RERE: variants seen among roughly 807,000 people sequenced by gnomAD.
The protein encoded by RERE is arginine-glutamic acid dipeptide repeats protein.
In RERE, 40 loss-of-function variants were observed where a neutral mutation model predicts 146.1. That is an observed-to-expected ratio of 0.27 (90% CI 0.21 to 0.36). The LOEUF (loss-of-function observed/expected upper bound fraction) is 0.36. RERE is among the 10% of genes least tolerant of loss of function. The pLI, the probability that RERE is intolerant of heterozygous loss-of-function variation, is 1.00. For missense variants in RERE, 1,933 were observed against 2,138.7 expected (o/e 0.90, Z 1.90); for synonymous variants, 1,003 against 866.0 (o/e 1.16, Z -2.78).
At chr1:8,704,386 GA>G (rs1639518599) in intron 1 of RERE, among the ~76,000 whole-genome samples, 1 of 152,140 alleles carries the variant, frequency 6.6e-6, no homozygotes, top group Non-Finnish European at 1.5e-5. Flanking sequence ...ACCCAAATTA[GA>G]AAGGTACAAG....
intron 11 of RERE, among the ~76,000 whole-genome samples, chr1:8,445,286 C>T (rs1300202115): frequency 6.6e-6 from 1 of 152,206 alleles, no homozygotes; most frequent in East Asian, 1.9e-4. Context: ...AGACAGGTTG[C>T]ACCATGGAAG....
intron 4 of RERE, among the ~76,000 whole-genome samples, chr1:8,596,409 T>C (rs1646555664): frequency 6.6e-6 from 1 of 152,250 alleles, no homozygotes; most frequent in East Asian, 1.9e-4. Flanking sequence ...AATCAGTTTC[T>C]CAGACACAAG....
At chr1:8,464,038 A>G (rs1390167426) in intron 11 of RERE, among the ~76,000 whole-genome samples, 1 of 152,256 alleles carries the variant, frequency 6.6e-6, no homozygotes, top group African/African-American at 2.4e-5. Flanking sequence ...ACAGGCTTAC[A>G]GTAAAAAAAC....
intron 12 of RERE, among the ~76,000 whole-genome samples, chr1:8,392,415 T>C (rs1642914316): frequency 1.3e-5 from 2 of 152,262 alleles, no homozygotes; most frequent in African/African-American, 4.8e-5. Context: ...TCTATCTATA[T>C]ATCTCTCTGT....
intron 4 of RERE, among the ~76,000 whole-genome samples, chr1:8,614,208 G>A (rs1646824641): frequency 1.3e-5 from 2 of 152,176 alleles, no homozygotes; most frequent in African/African-American, 2.4e-5. Flanking sequence ...TGAGCCTGGG[G>A]AAACGCACAT....
intron 2 of RERE, among the ~76,000 whole-genome samples, chr1:8,635,489 T>C (rs1647086724): frequency 6.6e-6 from 1 of 152,220 alleles, no homozygotes; most frequent in Non-Finnish European, 1.5e-5. Context: ...GCTTTCTATA[T>C]GAAACCGTAT....
intron 1 of RERE, among the ~76,000 whole-genome samples, chr1:8,718,989 G>C (rs1231296804): frequency 6.6e-6 from 1 of 152,122 alleles, no homozygotes; most frequent in African/African-American, 2.4e-5. Flanking sequence ...AATTAAAGGA[G>C]GGCCTAAATC....
At chr1:8,543,854 C>T (rs185322569) in intron 6 of RERE, among the ~76,000 whole-genome samples, 93 of 152,266 alleles carry the variant, frequency 6.1e-4, no homozygotes, top group Admixed American at 1.6e-3. Flanking sequence ...ATGAAGTTGT[C>T]GTAAATGGGA....
At chr1:8,798,261 G>GTGGCGAGCGCCTGTAA (rs1641514641) in intron 1 of RERE, among the ~76,000 whole-genome samples, 1 of 152,140 alleles carries the variant, frequency 6.6e-6, no homozygotes, top group Non-Finnish European at 1.5e-5. Context: ...GCCAGGCATG[G>GTGGCGAGCGCCTGTAA]TGGCGAGCGC....
intron 8 of RERE, among the ~76,000 whole-genome samples, chr1:8,498,728 T>TACACACAC (rs1216791448): frequency 1.6e-3 from 18 of 11,408 alleles, no homozygotes; most frequent in African/African-American, 4.1e-3. Flanking sequence ...AAAAAATAAA[T>TACACACAC]ATATACACAC....
At chr1:8,415,059 CTT>C (rs1260068736) in intron 12 of RERE, among the ~76,000 whole-genome samples, 1 of 152,080 alleles carries the variant, frequency 6.6e-6, no homozygotes, top group Non-Finnish European at 1.5e-5. Flanking sequence ...CATTTTGAAA[CTT>C]AGTTTTAATG....
chr1:8,438,490 A>T (rs569909506), intron 11 of RERE, among the ~76,000 whole-genome samples: 1 of 152,232 alleles, frequency 6.6e-6, no homozygotes, highest in Admixed American at 6.5e-5. Context: ...AACAGAAGGT[A>T]TAGGGATTTC....
At chr1:8,581,841 C>T (rs1265566986) in intron 4 of RERE, among the ~76,000 whole-genome samples, 3 of 151,998 alleles carry the variant, frequency 2.0e-5, no homozygotes, top group African/African-American at 7.2e-5. Context: ...AGCATCATTT[C>T]CTAATATTAA....
intron 11 of RERE, among the ~76,000 whole-genome samples, chr1:8,426,118 C>T (rs1027414028): frequency 2.0e-5 from 3 of 152,150 alleles, no homozygotes; most frequent in Non-Finnish European, 4.4e-5. Context: ...TTCCTCTTCT[C>T]GGGTCCAATG....
chr1:8,669,904 C>T (rs1638675470), intron 1 of RERE, among the ~76,000 whole-genome samples: 1 of 152,156 alleles, frequency 6.6e-6, no homozygotes, highest in African/African-American at 2.4e-5. Context: ...ACACTTCACA[C>T]CTATAGAAAA....
chr1:8,568,507 T>TAATTCATTGATG (rs1646178894), intron 4 of RERE, among the ~76,000 whole-genome samples: 1 of 152,228 alleles, frequency 6.6e-6, no homozygotes, highest in Non-Finnish European at 1.5e-5. Context: ...GATAACTCAT[T>TAATTCATTGATG]AATTCATTGA....
At chr1:8,588,131 A>G (rs1646449346) in intron 4 of RERE, among the ~76,000 whole-genome samples, 1 of 152,214 alleles carries the variant, frequency 6.6e-6, no homozygotes, top group African/African-American at 2.4e-5. Context: ...CATTCTTGAT[A>G]GGCAGACTAA....
intron 4 of RERE, among the ~76,000 whole-genome samples, chr1:8,581,679 T>C (rs778423372): frequency 2.3e-4 from 35 of 152,342 alleles, no homozygotes; most frequent in South Asian, 8.3e-4. Context: ...TTCCAGCCCA[T>C]TTATTGAAAA....
At chr1:8,671,857 G>C (rs1638725388) in intron 1 of RERE, among the ~76,000 whole-genome samples, 2 of 152,098 alleles carry the variant, frequency 1.3e-5, no homozygotes, top group African/African-American at 4.8e-5. Context: ...TCTCAGGAAG[G>C]CACACTGTTT....
Sources: allele counts gnomAD v4.1 joint callset (sites outside exome capture counted in the v4.1 genomes callset), GRCh38; gene constraint gnomAD v4.1.1; transcripts MANE v1.5; gene names NCBI Gene and HGNC (gene_info 2026-07-23, HGNC 2026-07-21).